PFAS: variants seen among roughly 807,000 people sequenced by gnomAD.
The protein encoded by PFAS is FGAM synthase.
A neutral mutation model predicts 140.6 loss-of-function variants in PFAS; 97 were observed. The ratio of observed to expected loss-of-function variants is 0.69; its 90% CI spans 0.59 to 0.82. PFAS has a LOEUF of 0.82. Among genes scored for constraint, PFAS ranks in the 40% least tolerant of loss-of-function variants. The pLI, the probability that PFAS is intolerant of heterozygous loss-of-function variation, is 0.00. For synonymous variants in PFAS, 679 were observed against 718.8 expected, an observed-to-expected ratio of 0.94 and a Z score of 0.88; for missense variants, 1,656 against 1,780.2, an observed-to-expected ratio of 0.93 and a Z score of 1.26.
Position 8,255,889 on chromosome 17 carries a change from T to C in PFAS, c.659T>C (p.Phe220Ser). The change falls in exon 6 of 28, where the codon TTT becomes TCT. Residue 220 changes from phenylalanine (F) to serine (S), a missense_variant. Coordinates refer to ENST00000314666, the MANE Select transcript of PFAS (RefSeq NM_012393.3). ...LQRNPSTVEA[F>S]DLAQSNSEHS... ...CGGAACCCGAGCACTGTGGAGGCCT[T>C]TGACTTGGCGCAGTCCAATAGGTGA... 1 of 1,613,736 alleles carries C rather than the reference T, an allele frequency of 6.2e-7. No individual in the cohort carries two copies.
chr17:8,264,009 A>G, intron 15 of PFAS, 73 bp downstream of exon 15: 1 of 1,554,812 alleles, frequency 6.4e-7, no homozygotes, highest in Middle Eastern at 1.7e-4. Context: ...CTAGAGGGAG[A>G]GCTGTCAAGG....
At position 8,263,919 on chromosome 17, in the gene PFAS, A is replaced by G; in HGVS notation, c.1774A>G (p.Ile592Val). The G allele has an allele frequency of 6.2e-7, 1 of 1,613,288 alleles. No individual in the cohort carries two copies. The highest frequency in any genetic ancestry group is 1.1e-5 in the South Asian group (1 of 91,074). ...ERCPACFVGT[I>V]TGDRRIVLVD... ...TTGCCCGGCTTGCTTCGTGGGCACC[A>G]TCACTGGAGACCGGAGAGTGAGTTG... Residue 592 changes from isoleucine to valine, a missense_variant, in exon 15 of 28, where the codon ATC (isoleucine) becomes GTC (valine). Physicochemically the swap from Ile to Val is conservative, Grantham distance 29. Coordinates refer to ENST00000314666, the MANE Select transcript of PFAS (RefSeq NM_012393.3).
At chr17:8,268,422 G>A (rs1452689947) in intron 26 of PFAS, 111 bp from the exon 27 acceptor site, 4 of 718,694 alleles carry the variant, frequency 5.6e-6, no homozygotes, top group Non-Finnish European at 9.1e-6. Flanking sequence ...GGGAGGGAGG[G>A]AAAAGGAAGA....
At position 8,253,951 on chromosome 17, in the gene PFAS, T is replaced by C; in HGVS notation, c.14T>C (p.Leu5Pro). The change falls in exon 2 of 28, where the codon CTT becomes CCT. Residue 5 changes from leucine to proline, a missense_variant. Physicochemically the swap from Leu to Pro is moderately conservative, Grantham distance 98. This residue lies in a region of PFAS where 773 missense variants were observed against 757.3 expected (regional missense o/e 1.02). Transcript: ENST00000314666. ...ACACCTGCAGAGATGTCCCCAGTCC[T>C]TCACTTCTATGTTCGTCCCTCTGGC... MSPVLHFYVRPSGHE... is the reference protein window; with the variant it reads MSPVPHFYVRPSGHE... 6.2e-7 allele frequency: 1 copy of C among 1,613,584 alleles called. No homozygotes were observed. The highest frequency in any genetic ancestry group is 8.5e-7 in the Non-Finnish European group (1 of 1,179,658).
chr17:8,267,261 G>C lies in PFAS; in HGVS notation c.3175+26G>C, dbSNP rs772429388. ...GTGAGGGAGTGTGTGCAGAGGCTCC[G>C]CGTCCTGGGGGCACTGAGCCTGGAT... On this transcript the variant is annotated intron_variant, in intron 24 of 27. Coordinates refer to ENST00000314666, the MANE Select transcript of PFAS (RefSeq NM_012393.3). The surrounding 1 kb of genome is among the most constrained non-coding windows in gnomAD (Gnocchi z 4.9). 6.3e-7 allele frequency: 1 copy of C among 1,593,798 alleles called. No individual in the cohort carries two copies. Among genetic ancestry groups the C allele is most frequent in the Non-Finnish European group, 8.6e-7 (1 of 1,163,670 alleles).
chr17:8,264,790 G>A lies in PFAS; in HGVS notation c.2050-105G>A, dbSNP rs978450802. On this transcript the variant is annotated intron_variant, in intron 17 of 27. Coordinates refer to ENST00000314666, the MANE Select transcript of PFAS (RefSeq NM_012393.3). Reference sequence around the variant, plus strand: ...CTAAGTAGAGCTGTTGTCTGCATTGGGGGAAAGACAGGCCTCCCACTGCCC... The same window carrying A: ...CTAAGTAGAGCTGTTGTCTGCATTGAGGGAAAGACAGGCCTCCCACTGCCC... The A allele has an allele frequency of 4.0e-6, 4 of 1,006,912 alleles. No homozygotes were observed. In the African/African-American group the frequency reaches 6.4e-5, roughly 16 times the overall value. 62.4% of individuals were successfully genotyped at this position (1,006,912 alleles called of 1,614,324 possible). A position where few individuals can be genotyped will look rare whatever the true frequency, so the allele number is the denominator to read the frequency against.
rs755979317 is a variant in PFAS at position 8,263,801 on chromosome 17, G to A, written c.1656G>A (p.Leu552=). Residue 552 remains leucine, a synonymous_variant, in exon 15 of 28, where the codon CTG becomes CTA. Transcript: ENST00000314666. ...FQLGDPTLNA[L]EIWGAEYQES... ...TTGGGGACCCAACCCTGAATGCCCT[G>A]GAAATCTGGGGGGCTGAGTACCAGG... The A allele has an allele frequency of 6.2e-7, 1 of 1,614,060 alleles. No homozygotes were observed. The highest frequency in any genetic ancestry group is 8.5e-7 in the Non-Finnish European group (1 of 1,179,980).
At chr17:8,261,903 A>G (rs1285985165) in intron 11 of PFAS, among the ~76,000 whole-genome samples, 3 of 151,584 alleles carry the variant, frequency 2.0e-5, no homozygotes, top group Middle Eastern at 6.9e-3. Context: ...GTTCTCCCAC[A>G]GTTTCTACCC....
chr17:8,250,414 AT>A (rs1989106883), intron 1 of PFAS, among the ~76,000 whole-genome samples: 1 of 152,198 alleles, frequency 6.6e-6, no homozygotes, highest in Non-Finnish European at 1.5e-5. Flanking sequence ...AGATGAAGAG[AT>A]GAGAGATTTG....
Position 8,256,390 on chromosome 17 carries a change from A to G in PFAS, c.804A>G (p.Lys268=), listed in dbSNP as rs746784891. 1.9e-6 allele frequency: 3 copies of G among 1,614,020 alleles called. No individual in the cohort carries two copies. The highest frequency in any genetic ancestry group is 2.5e-6 in the Non-Finnish European group (3 of 1,180,022). ...QESSNPNNVL[K]FCDNSSAIQG... ...CCTCGAACCCCAACAACGTCCTCAAATTCTGTGATAACAGCAGGTGCTGTG... is the reference window on the plus strand; with the variant it reads ...CCTCGAACCCCAACAACGTCCTCAAGTTCTGTGATAACAGCAGGTGCTGTG... Residue 268 remains lysine (K), a synonymous_variant, in exon 7 of 28, where the codon AAA becomes AAG. Coordinates refer to ENST00000314666, the MANE Select transcript of PFAS (RefSeq NM_012393.3).
At position 8,269,417 on chromosome 17, in the gene PFAS, C is replaced by A; in HGVS notation, c.*153C>A. On this transcript the variant is annotated 3_prime_UTR_variant, in exon 28 of 28. Transcript: ENST00000314666. ...CCAAAATCTCAGCGGACTCGATAAT[C>A]TGCCTGCTGATGTTCCTTCTGTGGC... 1 of 598,538 alleles carries A rather than the reference C, an allele frequency of 1.7e-6. No homozygotes were observed. Among genetic ancestry groups the A allele is most frequent in the Non-Finnish European group, 3.0e-6 (1 of 335,306 alleles). The allele number at this position is 598,538 out of a possible 1,614,324, so 37.1% of individuals were successfully genotyped here.
intron 14 of PFAS, 68 bp from the exon 15 acceptor site, chr17:8,263,707 C>G: frequency 1.2e-6 from 2 of 1,606,538 alleles, no homozygotes; most frequent in Non-Finnish European, 1.7e-6. Context: ...ACCCATCTCT[C>G]TTGCAACAAC....
At chr17:8,256,491 A>G in intron 7 of PFAS, 33 bp from the exon 8 acceptor site, 2 of 1,613,668 alleles carry the variant, frequency 1.2e-6, no homozygotes, top group East Asian at 4.5e-5. Context: ...GGTCCCAGAA[A>G]GGAAGCAAGG....
chr17:8,248,092 G>A (rs1348478345), upstream of PFAS: 8 of 1,186,922 alleles, frequency 6.7e-6, no homozygotes, highest in Admixed American at 2.0e-5. Flanking sequence ...GGGTGGGGAT[G>A]GGGGTGGGGG....
intron 1 of PFAS, among the ~76,000 whole-genome samples, chr17:8,249,753 G>A (rs1789421227): frequency 1.3e-5 from 2 of 152,164 alleles, no homozygotes; most frequent in South Asian, 2.1e-4. Flanking sequence ...AGACTGTCCT[G>A]AAAGTTGGGG....
chr17:8,259,094 GGAGATCGCACCACT>G (rs1386267758), intron 11 of PFAS, among the ~76,000 whole-genome samples: 2 of 150,126 alleles, frequency 1.3e-5, no homozygotes, highest in South Asian at 4.3e-4. Context: ...TGCAGTGAGT[GGAGATCGCACCACT>G]GCGATCGCAC....
Position 8,266,336 on chromosome 17 carries a change from C to T in PFAS, c.2804C>T (p.Pro935Leu), listed in dbSNP as rs1989812652. 1 of 1,614,088 alleles carries T rather than the reference C, an allele frequency of 6.2e-7. No individual in the cohort carries two copies. Among genetic ancestry groups the T allele is most frequent in the African/African-American group, 1.3e-5 (1 of 75,030 alleles). Residue 935 changes from proline to leucine, a missense_variant, in exon 22 of 28, where the codon CCT becomes CTT. Coordinates refer to ENST00000314666, the MANE Select transcript of PFAS (RefSeq NM_012393.3). The surrounding 1 kb of genome is among the most constrained non-coding windows in gnomAD (Gnocchi z 5.0). ...AATTGCGGGCTACAGGTGGATGTGC[C>T]TGTCCCCAGGGTTGATGGTAAGGAA... is the stretch of plus-strand genomic sequence containing the variant. ...AGNCGLQVDV[P>L]VPRVDVLSVL...
rs776142065 is a variant in PFAS, at chr17:8,265,381, A to T, written c.2374A>T (p.Met792Leu). 1 of 1,614,004 alleles carries T rather than the reference A, an allele frequency of 6.2e-7. No individual in the cohort carries two copies. Among genetic ancestry groups the T allele is most frequent in the African/African-American group, 1.3e-5 (1 of 74,916 alleles). ...TGCCTGTGAGGCTATGGTGGCAGTGATGGCAGCCCTGGGTGTGGCAGTGGA... is the reference window on the plus strand; with the variant it reads ...TGCCTGTGAGGCTATGGTGGCAGTGTTGGCAGCCCTGGGTGTGGCAGTGGA... ...ADACEAMVAV[M>L]AALGVAVDGG... Residue 792 changes from methionine to leucine, a missense_variant, in exon 19 of 28, where the codon ATG becomes TTG. Physicochemically the swap from Met to Leu is conservative, Grantham distance 15. Transcript: ENST00000314666.
chr17:8,252,502 C>G (rs940240094), intron 1 of PFAS, among the ~76,000 whole-genome samples: 7 of 148,926 alleles, frequency 4.7e-5, no homozygotes, highest in African/African-American at 1.7e-4. Context: ...CTCCCGGGTT[C>G]GAGTGATTCT....
Sources: allele counts gnomAD v4.1 joint callset (sites outside exome capture counted in the v4.1 genomes callset), GRCh38; gene constraint gnomAD v4.1.1; regional missense constraint gnomAD v4.1.1; non-coding constraint Gnocchi (gnomAD v3.1); transcripts MANE v1.5; gene names NCBI Gene and HGNC (gene_info 2026-07-23, HGNC 2026-07-21).